Variants in SDK2 observed in about 807,000 individuals in gnomAD.
SDK2 encodes the protein sidekick cell adhesion molecule 2, also known as protein sidekick-2.
A neutral mutation model predicts 253.9 loss-of-function variants in SDK2; 105 were observed. That is an observed-to-expected ratio of 0.41 (90% CI 0.35 to 0.49). The LOEUF (loss-of-function observed/expected upper bound fraction) is 0.49. Among genes scored for constraint, SDK2 ranks in the 20% least tolerant of loss-of-function variants. The pLI is 0.06. For synonymous variants in SDK2, 1,249 were observed against 1,234.9 expected (o/e 1.01, Z -0.24); for missense variants, 2,608 against 3,003.0 (o/e 0.87, Z 3.07).
intron 44 of SDK2, among the ~76,000 whole-genome samples, chr17:73,343,388 T>C (rs1214044008): frequency 2.0e-5 from 3 of 152,256 alleles, no homozygotes; most frequent in African/African-American, 4.8e-5. Context: ...TCCATCTCCC[T>C]GAACATCTGT....
In SDK2 at chr17:73,401,026, G is replaced by A; in HGVS notation, c.2965C>T (p.Pro989Ser). The change falls in exon 21 of 45, where the codon CCC (proline) becomes TCC (serine). Residue 989 changes from proline (P) to serine (S), a missense_variant. Pro to Ser is a moderately conservative substitution (Grantham distance 74). Transcript: ENST00000392650. The part of the protein sequence containing the change: ...VSASTISSGV[P>S]PELPGPPTNL... The stretch of plus-strand genomic sequence containing the variant: ...CTTGAGAGTGGGCACTTACCTGGGG[G>A]CACCCCAGAGGAGATGGTGGAGGCG... 1 of 1,571,454 alleles carries A rather than the reference G, an allele frequency of 6.4e-7. No homozygotes were observed. Among genetic ancestry groups the A allele is most frequent in the African/African-American group, 1.3e-5 (1 of 74,230 alleles).
intron 2 of SDK2, 149 bp from the exon 3 acceptor site, chr17:73,472,367 G>A: frequency 1.6e-6 from 1 of 616,602 alleles, no homozygotes; most frequent in East Asian, 2.8e-5. Context: ...CATGTCATAG[G>A]ATCACACAAA....
In SDK2 at chr17:73,414,639, T is replaced by C; in HGVS notation, c.2484+5A>G. The C allele has an allele frequency of 2.5e-6, 4 of 1,610,342 alleles. No homozygotes were observed. The highest frequency in any genetic ancestry group is 3.4e-6 in the Non-Finnish European group (4 of 1,176,634). On this transcript the variant is annotated splice_donor_5th_base_variant and intron_variant, in intron 18 of 44. Coordinates refer to ENST00000392650, the MANE Select transcript of SDK2 (RefSeq NM_001144952.2). ...TCCTCTTGGGTGAGGAGATGCCTCA[T>C]GTACCTTGTAGCCCTGGTTGATGCC...
chr17:73,619,511 T>C (rs2046102917), intron 1 of SDK2, among the ~76,000 whole-genome samples: 1 of 152,124 alleles, frequency 6.6e-6, no homozygotes, highest in Non-Finnish European at 1.5e-5. Flanking sequence ...CTTCAACAAA[T>C]GGAGCTTGGA....
rs1183000253 is a variant in SDK2 at position 73,511,985 on chromosome 17, G to A, written c.65-4388C>T. On this transcript the variant is annotated intron_variant, in intron 1 of 44. Transcript: ENST00000392650. The surrounding 1 kb of genome is among the most constrained non-coding windows in gnomAD (Gnocchi z 4.9). ...TTCACATATCTGTGAATGTCAATGT[G>A]TGTGTCAGTGCACATCTGTGTGTGC... Among the ~76,000 whole-genome samples, 1 of 152,134 alleles carries A rather than the reference G, an allele frequency of 6.6e-6. No individual in the cohort carries two copies.
At chr17:73,573,557 C>A (rs963408542) in intron 1 of SDK2, among the ~76,000 whole-genome samples, 3 of 152,156 alleles carry the variant, frequency 2.0e-5, no homozygotes, top group Non-Finnish European at 4.4e-5. Flanking sequence ...ATCCTGCTGG[C>A]TCTACCCGCC....
intron 42 of SDK2, 48 bp downstream of exon 42, chr17:73,350,602 T>A (rs202068153): frequency 6.3e-6 from 10 of 1,578,844 alleles, no homozygotes; most frequent in Non-Finnish European, 8.6e-6. Context: ...AAAAAGGAGA[T>A]ACATAAAACT....
chr17:73,499,570 G>A (rs1400066714), intron 2 of SDK2, among the ~76,000 whole-genome samples: 1 of 152,250 alleles, frequency 6.6e-6, no homozygotes, highest in African/African-American at 2.4e-5. Context: ...CCCCGGGGCA[G>A]AAGAATGACA....
chr17:73,377,148 C>T (rs1321626796), intron 36 of SDK2, among the ~76,000 whole-genome samples: 8 of 151,604 alleles, frequency 5.3e-5, no homozygotes, highest in Non-Finnish European at 1.2e-4. Context: ...GACACTGGTG[C>T]GGGAGGCAGA....
chr17:73,524,364 T>C (rs1014552326), intron 1 of SDK2, among the ~76,000 whole-genome samples: 2 of 152,140 alleles, frequency 1.3e-5, no homozygotes, highest in African/African-American at 2.4e-5. Context: ...CCCCGGCCAT[T>C]CACCCTTCTT....
chr17:73,642,706 C>T lies in SDK2; in HGVS notation c.64+1319G>A, dbSNP rs766951300. Among the ~76,000 whole-genome samples, 29 of 152,156 alleles carry T rather than the reference C, an allele frequency of 1.9e-4. No homozygotes were observed. The highest frequency in any genetic ancestry group is 3.8e-4 in the Non-Finnish European group (26 of 68,038). On this transcript the variant is annotated intron_variant, in intron 1 of 44. Coordinates refer to ENST00000392650, the MANE Select transcript of SDK2 (RefSeq NM_001144952.2). The surrounding 1 kb of genome is among the most constrained non-coding windows in gnomAD (Gnocchi z 4.7). The stretch of plus-strand genomic sequence containing the variant: ...AGAATAAGATGACCTCTGAGGTCCT[C>T]GCTTGTTCAAAGATTTTATGATGAT...
intron 36 of SDK2, among the ~76,000 whole-genome samples, chr17:73,369,981 A>G (rs2062721189): frequency 6.6e-6 from 1 of 151,982 alleles, no homozygotes; most frequent in Non-Finnish European, 1.5e-5. Context: ...ACAGGTTAAC[A>G]CTTCTGCTAG....
At chr17:73,357,627 G>T in intron 40 of SDK2, 1 of 288,338 alleles carries the variant, frequency 3.5e-6, no homozygotes, top group Non-Finnish European at 6.6e-6. Context: ...AAGTTCTTGT[G>T]ATTCAATTTC....
chr17:73,499,745 T>G (rs1599623806), intron 2 of SDK2, among the ~76,000 whole-genome samples: 1 of 152,136 alleles, frequency 6.6e-6, no homozygotes, highest in Non-Finnish European at 1.5e-5. Context: ...GGTTCTTCAT[T>G]TGCAGAATGA....
At position 73,338,925 on chromosome 17, in the gene SDK2, AC is replaced by A. The variant is rs2062407435; in HGVS notation, c.6180del (p.Glu2060AspfsTer106). 1 of 1,613,682 alleles carries A rather than the reference AC, an allele frequency of 6.2e-7. No individual in the cohort carries two copies. Among genetic ancestry groups the A allele is most frequent in the Non-Finnish European group, 8.5e-7 (1 of 1,179,840 alleles). On this transcript the variant is annotated frameshift_variant, in exon 45 of 45. Transcript: ENST00000392650. LOFTEE classifies it high-confidence loss of function. This position sits in a 1 kb window ranked among gnomAD's most constrained non-coding sequence, Gnocchi z 5.0. ...TTCTGGTGGTTTGAGTCGACCTCGT[AC>A]TCGCTGTCACTTCCCTGGGAGGACA... ...EISDSQGSDS[E>X]YEVDSNHQKA...
intron 1 of SDK2, among the ~76,000 whole-genome samples, chr17:73,580,559 T>C (rs1050515974): frequency 1.3e-5 from 2 of 152,270 alleles, no homozygotes; most frequent in African/African-American, 2.4e-5. Context: ...GGCCCCAAGC[T>C]CAGAGGGACC....
intron 12 of SDK2, among the ~76,000 whole-genome samples, chr17:73,428,187 T>C (rs948516375): frequency 3.1e-4 from 47 of 152,268 alleles, no homozygotes; most frequent in African/African-American, 1.1e-3. Flanking sequence ...CTGGGCACAG[T>C]GGCTCACGCC....
At chr17:73,632,236 G>A (rs2046279966) in intron 1 of SDK2, among the ~76,000 whole-genome samples, 1 of 152,244 alleles carries the variant, frequency 6.6e-6, no homozygotes, top group Admixed American at 6.5e-5. Context: ...TGCCAAAGGA[G>A]AGTAACATTT....
rs749961918 is a variant in SDK2, at chr17:73,480,682, AAG to A, written c.225-8466_225-8465del. On this transcript the variant is annotated intron_variant, in intron 2 of 44. Transcript: ENST00000392650. Reference sequence around the variant, plus strand: ...AGAGAGACAGAGAGATCTAGGGAGAAAGAGAGAGAGACAGGGAGGCTGAGATG... The same window carrying A: ...AGAGAGACAGAGAGATCTAGGGAGAAAGAGAGAGACAGGGAGGCTGAGATG... Among the ~76,000 whole-genome samples, 6 of 152,206 alleles carry A rather than the reference AAG, an allele frequency of 3.9e-5. No individual in the cohort carries two copies. The East Asian group carries it at 7.7e-4, about 20-fold the overall frequency.
Sources: gnomAD v4.1 joint callset for allele counts (sites outside exome capture counted in the v4.1 genomes callset) on GRCh38, gnomAD v4.1.1 for gene constraint, Gnocchi (gnomAD v3.1) non-coding constraint, MANE v1.5 for transcripts, NCBI Gene and HGNC (gene_info 2026-07-23, HGNC 2026-07-21) for gene names.